The following FUT8 variants were observed in gnomAD, a reference collection of about 807,000 sequenced individuals.
FUT8 encodes alpha-(1,6)-fucosyltransferase.
Under a neutral mutation model 71.3 loss-of-function variants are expected in FUT8, and 29 were observed. The observed-to-expected ratio is 0.41, with a 90% confidence interval of 0.30 to 0.55. The LOEUF (loss-of-function observed/expected upper bound fraction) is 0.55, where lower values mean the gene tolerates loss of function less well. Ranked by LOEUF, FUT8 falls within the 20% of genes least tolerant of loss-of-function variation. The pLI is 0.34. For synonymous variants in FUT8, 254 were observed against 239.3 expected (o/e 1.06, Z -0.57); for missense variants, 544 against 702.1 (o/e 0.77, Z 2.55).
rs545847890 is a variant in FUT8 at position 65,444,220 on chromosome 14, A to G, written c.-325-11401A>G. Reference sequence around the variant, plus strand: ...GAGTACATAAACCTATTTATCCAGTAGGAAATGCAAGTAGAAATCACGAGA... The same window carrying G: ...GAGTACATAAACCTATTTATCCAGTGGGAAATGCAAGTAGAAATCACGAGA... On this transcript the variant is annotated intron_variant, in intron 1 of 10. Coordinates refer to ENST00000673929, the MANE Select transcript of FUT8 (RefSeq NM_001371533.1). 3.3e-5 allele frequency among the ~76,000 whole-genome samples: 5 copies of G among 152,350 alleles called. No homozygotes were observed. The East Asian group carries it at 9.6e-4, about 29-fold the overall frequency.
intron 7 of FUT8, among the ~76,000 whole-genome samples, chr14:65,699,184 ACACACACAC>A: frequency 6.7e-6 from 1 of 148,694 alleles, no homozygotes; most frequent in East Asian, 2.2e-4. Context: ...ACACACACAC[ACACACACAC>A]ACACACGCCC....
intron 7 of FUT8, among the ~76,000 whole-genome samples, chr14:65,684,237 T>G (rs1296603927): frequency 6.6e-6 from 1 of 152,174 alleles, no homozygotes; most frequent in African/African-American, 2.4e-5. Context: ...GAATTATCTA[T>G]GTAATTGAGT....
intron 7 of FUT8, among the ~76,000 whole-genome samples, chr14:65,712,881 C>CCT (rs1380605433): frequency 6.6e-6 from 1 of 152,172 alleles, no homozygotes; most frequent in Non-Finnish European, 1.5e-5. Flanking sequence ...GTATCCATCA[C>CCT]CTCAAGCATT....
chr14:65,385,336 G>A, the FUT8 span, among the ~76,000 whole-genome samples: 1 of 143,270 alleles, frequency 7.0e-6, no homozygotes, highest in Non-Finnish European at 1.5e-5. Context: ...TTTAATTTTT[G>A]TATGCACTAT....
chr14:65,513,804 C>A (rs558815002), intron 2 of FUT8, among the ~76,000 whole-genome samples: 1 of 152,100 alleles, frequency 6.6e-6, no homozygotes, highest in African/African-American at 2.4e-5. Flanking sequence ...CGTGCTTCAC[C>A]GAAGGGGAGT....
chr14:65,519,491 A>T (rs1594728448), intron 2 of FUT8, among the ~76,000 whole-genome samples: 1 of 152,174 alleles, frequency 6.6e-6, no homozygotes, highest in African/African-American at 2.4e-5. Context: ...ACAGGAGGTA[A>T]GTTTTTCGCT....
chr14:65,502,998 G>A (rs1275794341), intron 2 of FUT8, among the ~76,000 whole-genome samples: 1 of 152,158 alleles, frequency 6.6e-6, no homozygotes, highest in Non-Finnish European at 1.5e-5. Flanking sequence ...CTTAGATCCA[G>A]TGTTGGACTT....
At chr14:65,617,148 G>A (rs773416318) in intron 5 of FUT8, 1 of 1,592,382 alleles carries the variant, frequency 6.3e-7, no homozygotes, top group South Asian at 1.2e-5. Context: ...TGTTGTATTA[G>A]CACAACCTAC....
intron 3 of FUT8, among the ~76,000 whole-genome samples, chr14:65,615,084 A>G (rs1889212857): frequency 6.6e-6 from 1 of 152,132 alleles, no homozygotes; most frequent in Non-Finnish European, 1.5e-5. Flanking sequence ...GAATAGAACA[A>G]TGATCTTCAA....
At chr14:65,479,315 A>G (rs1183715868) in intron 2 of FUT8, among the ~76,000 whole-genome samples, 1 of 152,224 alleles carries the variant, frequency 6.6e-6, no homozygotes, top group African/African-American at 2.4e-5. Context: ...GGTTGGCCCA[A>G]ATGATTTAAT....
intron 3 of FUT8, among the ~76,000 whole-genome samples, chr14:65,610,125 TATC>T (rs1888805848): frequency 6.6e-6 from 1 of 151,966 alleles, no homozygotes; most frequent in African/African-American, 2.4e-5. Context: ...CAACATAGAT[TATC>T]ATGTTATGTG....
upstream of FUT8, among the ~76,000 whole-genome samples, chr14:65,406,957 C>T (rs990316690): frequency 1.3e-5 from 2 of 152,142 alleles, no homozygotes; most frequent in Non-Finnish European, 2.9e-5. Context: ...AAGCTTGATA[C>T]GATTAGATCC....
At chr14:65,657,048 A>C (rs1891717419) in intron 6 of FUT8, among the ~76,000 whole-genome samples, 1 of 152,176 alleles carries the variant, frequency 6.6e-6, no homozygotes, top group African/African-American at 2.4e-5. Context: ...GAAACTACTA[A>C]AAGGAAACAT....
At chr14:65,369,447 C>G in the FUT8 span, among the ~76,000 whole-genome samples, 1 of 152,158 alleles carries the variant, frequency 6.6e-6, no homozygotes, top group Non-Finnish European at 1.5e-5. The surrounding 1 kb of genome is among the most constrained non-coding windows in gnomAD (Gnocchi z 4.6). Context: ...ATGAGACCTA[C>G]TGAGCTGCAT....
At chr14:65,403,688 A>T in the FUT8 span, among the ~76,000 whole-genome samples, 2 of 151,758 alleles carry the variant, frequency 1.3e-5, no homozygotes, top group Non-Finnish European at 2.9e-5. Flanking sequence ...TGACTTTAGC[A>T]AGGTTTATTC....
intron 7 of FUT8, among the ~76,000 whole-genome samples, chr14:65,695,380 T>C (rs1893940346): frequency 6.6e-6 from 1 of 152,152 alleles, no homozygotes; most frequent in African/African-American, 2.4e-5. Flanking sequence ...TTGTGTCTTC[T>C]TGGATAATTA....
Position 65,455,705 on chromosome 14 carries a change from C to G in FUT8, c.-241C>G. 2.5e-6 allele frequency: 1 copy of G among 398,214 alleles called. No homozygotes were observed. The highest frequency in any genetic ancestry group is 2.1e-5 in the African/African-American group (1 of 48,714). The allele number at this position is 398,214 out of a possible 1,614,324, so 24.7% of individuals were successfully genotyped here. On this transcript the variant is annotated 5_prime_UTR_variant, in exon 2 of 11. Transcript: ENST00000673929. ...GTGATTTTTTGCCTTTGTTGATTAACTGGACAAATTCAGGTTAGTGTATTT... is the reference window on the plus strand; with the variant it reads ...GTGATTTTTTGCCTTTGTTGATTAAGTGGACAAATTCAGGTTAGTGTATTT...
chr14:65,483,635 T>A lies in FUT8; in HGVS notation c.-228+27917T>A, dbSNP rs774273563. Among the ~76,000 whole-genome samples the A allele has an allele frequency of 7.2e-5, 11 of 152,206 alleles. No individual in the cohort carries two copies. The highest frequency in any genetic ancestry group is 1.0e-4 in the Non-Finnish European group (7 of 68,028). On this transcript the variant is annotated intron_variant, in intron 2 of 10. Transcript: ENST00000673929. The surrounding 1 kb of genome is among the most constrained non-coding windows in gnomAD (Gnocchi z 4.4). ...CAGCAGTATTTTATTGTTTTCAATG[T>A]ACTGATCTTACCCATATTTTATTAG...
chr14:65,651,652 T>C (rs1192017467), intron 6 of FUT8, among the ~76,000 whole-genome samples: 4 of 152,154 alleles, frequency 2.6e-5, no homozygotes, highest in African/African-American at 9.7e-5. Context: ...AATTACAGTC[T>C]TGAAACAAAT....
Sources: gnomAD v4.1 joint callset for allele counts (sites outside exome capture counted in the v4.1 genomes callset) on GRCh38, gnomAD v4.1.1 for gene constraint, Gnocchi (gnomAD v3.1) non-coding constraint, MANE v1.5 for transcripts, NCBI Gene and HGNC (gene_info 2026-07-23, HGNC 2026-07-21) for gene names.